Variants in AGO3 observed in about 807,000 individuals in gnomAD.
The protein encoded by AGO3 is argonaute RISC catalytic component 3.
Under a neutral mutation model 105.5 loss-of-function variants are expected in AGO3, and 16 were observed. The ratio of observed to expected loss-of-function variants is 0.15; its 90% CI spans 0.10 to 0.23. AGO3 has a LOEUF of 0.23. Ranked by LOEUF, AGO3 falls within the 10% of genes least tolerant of loss-of-function variation. The pLI is 1.00. For synonymous variants in AGO3, 340 were observed against 367.3 expected (o/e 0.93, Z 0.85); for missense variants, 534 against 1,088.0 (o/e 0.49, Z 7.16).
At chr1:35,965,786 T>C in intron 2 of AGO3, among the ~76,000 whole-genome samples, 1 of 151,378 alleles carries the variant, frequency 6.6e-6, no homozygotes, top group Non-Finnish European at 1.5e-5. Flanking sequence ...GCTGGGTTCT[T>C]GCCCCCACTT....
chr1:35,983,409 CAAAAAAAAAA>C (rs765271951), intron 5 of AGO3: 1 of 60,710 alleles, frequency 1.6e-5, no homozygotes, highest in African/African-American at 6.6e-5. Context: ...TGATCTCTAC[CAAAAAAAAAA>C]AAAAAAAAAA....
chr1:36,014,562 G>A (rs1431533807), intron 11 of AGO3, among the ~76,000 whole-genome samples: 1 of 150,798 alleles, frequency 6.6e-6, no homozygotes, highest in Non-Finnish European at 1.5e-5. Context: ...ACAAGGTCAG[G>A]AGATCGAGAC....
intron 14 of AGO3, among the ~76,000 whole-genome samples, chr1:36,037,646 C>T (rs1642070343): frequency 6.6e-6 from 1 of 152,204 alleles, no homozygotes; most frequent in Non-Finnish European, 1.5e-5. Context: ...ATTTCCACTT[C>T]ATGATTTCAA....
intron 5 of AGO3, among the ~76,000 whole-genome samples, chr1:35,979,131 G>C (rs991057449): frequency 6.6e-6 from 1 of 152,110 alleles, no homozygotes; most frequent in Non-Finnish European, 1.5e-5. Flanking sequence ...TTGGGAGGCC[G>C]AGGCGGGCGG....
chr1:35,943,493 G>A (rs1646296041), intron 1 of AGO3, among the ~76,000 whole-genome samples: 2 of 151,342 alleles, frequency 1.3e-5, no homozygotes, highest in South Asian at 4.2e-4. Context: ...TAGAGACAGG[G>A]TTTCACCATG....
chr1:35,977,669 A>G (rs1646978119), intron 5 of AGO3, among the ~76,000 whole-genome samples: 1 of 152,156 alleles, frequency 6.6e-6, no homozygotes, highest in Admixed American at 6.5e-5. Flanking sequence ...CTGGGATTAC[A>G]GGCATGTGCC....
At chr1:36,015,433 T>C (rs1168351873) in intron 11 of AGO3, among the ~76,000 whole-genome samples, 2 of 152,202 alleles carry the variant, frequency 1.3e-5, no homozygotes, top group African/African-American at 4.8e-5. Flanking sequence ...GATTAAACTG[T>C]TAGCCATTAG....
chr1:35,975,648 C>A (rs1309277802), intron 5 of AGO3, among the ~76,000 whole-genome samples: 1 of 151,968 alleles, frequency 6.6e-6, no homozygotes, highest in Non-Finnish European at 1.5e-5. Context: ...CTTTTAATAT[C>A]TGATAGGACT....
chr1:35,947,193 C>T (rs1646382596), intron 2 of AGO3, among the ~76,000 whole-genome samples: 1 of 151,704 alleles, frequency 6.6e-6, no homozygotes, highest in African/African-American at 2.4e-5. Context: ...GAGTCTGAAC[C>T]AGGCTTAAGG....
chr1:35,955,326 TG>T (rs964155632), intron 2 of AGO3, among the ~76,000 whole-genome samples: 4 of 152,224 alleles, frequency 2.6e-5, no homozygotes, highest in Non-Finnish European at 4.4e-5. Flanking sequence ...AATTAAAATT[TG>T]TTTGACCAAA....
intron 2 of AGO3, among the ~76,000 whole-genome samples, chr1:35,959,799 A>G (rs904631033): frequency 1.3e-5 from 2 of 152,106 alleles, no homozygotes; most frequent in Non-Finnish European, 2.9e-5. Context: ...ATGCTAAAAC[A>G]TTGTAGTGTA....
chr1:36,032,902 A>T (rs1242318103), intron 12 of AGO3, among the ~76,000 whole-genome samples: 1 of 152,084 alleles, frequency 6.6e-6, no homozygotes, highest in Non-Finnish European at 1.5e-5. Flanking sequence ...AGGCGGGTGG[A>T]TCACCTGAGG....
At chr1:35,991,561 T>C (rs929309227) in intron 5 of AGO3, among the ~76,000 whole-genome samples, 3 of 148,012 alleles carry the variant, frequency 2.0e-5, no homozygotes, top group Non-Finnish European at 4.5e-5. Flanking sequence ...ATAAAATATA[T>C]AATATATGTA....
chr1:35,953,758 C>T (rs939147623), intron 2 of AGO3, among the ~76,000 whole-genome samples: 7 of 152,172 alleles, frequency 4.6e-5, no homozygotes, highest in African/African-American at 1.7e-4. Flanking sequence ...GTGATTCACC[C>T]GCCTCACCCT....
At chr1:36,050,375 A>G (rs1642657070) in intron 17 of AGO3, among the ~76,000 whole-genome samples, 2 of 152,134 alleles carry the variant, frequency 1.3e-5, no homozygotes, top group Non-Finnish European at 2.9e-5. Flanking sequence ...AATCCCAGCT[A>G]CTCAGGAGGC....
intron 12 of AGO3, among the ~76,000 whole-genome samples, chr1:36,030,111 CCTT>C (rs1037302709): frequency 4.6e-5 from 7 of 152,102 alleles, no homozygotes; most frequent in East Asian, 3.8e-4. Context: ...TAAATAAAAA[CCTT>C]CTTTTTTTAG....
chr1:35,995,109 G>A (rs1648160862), intron 5 of AGO3, among the ~76,000 whole-genome samples: 1 of 151,048 alleles, frequency 6.6e-6, no homozygotes, highest in South Asian at 2.1e-4. Context: ...GCTGAGGCAG[G>A]AGAAGTGCTT....
intron 2 of AGO3, among the ~76,000 whole-genome samples, chr1:35,959,054 G>A (rs1323153120): frequency 6.6e-6 from 1 of 152,044 alleles, no homozygotes; most frequent in Non-Finnish European, 1.5e-5. Context: ...AAGTGAGATG[G>A]AGGTGGATCT....
rs116107195 is a variant in AGO3, at chr1:35,975,104, C to A, written c.658+1593C>A. On this transcript the variant is annotated intron_variant, in intron 5 of 18. Transcript: ENST00000373191. ...TATATTAAGATAAGTCTGTAAGATA[C>A]ATTCCTGGCGGTTAGACTGATGAGT... 8.1e-3 allele frequency among the ~76,000 whole-genome samples: 1,229 copies of A among 152,192 alleles called. 16 individuals are homozygous for A. Among genetic ancestry groups the A allele is most frequent in the African/African-American group, 0.028 (1,152 of 41,540 alleles).
Sources: gnomAD v4.1 joint callset for allele counts (sites outside exome capture counted in the v4.1 genomes callset) on GRCh38, gnomAD v4.1.1 for gene constraint, MANE v1.5 for transcripts, NCBI Gene and HGNC (gene_info 2026-07-23, HGNC 2026-07-21) for gene names.